The following CCPG1 variants were observed in gnomAD, a reference collection of about 807,000 sequenced individuals.
CCPG1 encodes the protein cell cycle progression protein 1.
In CCPG1, 46 loss-of-function variants were observed where a neutral mutation model predicts 81.3. The observed-to-expected ratio is 0.57, with a 90% CI of 0.45 to 0.72. The LOEUF is 0.72. Among genes scored for constraint, CCPG1 ranks in the 30% least tolerant of loss-of-function variants. The pLI is 0.00. For synonymous variants in CCPG1, 330 were observed against 305.2 expected (o/e 1.08, Z -0.85); for missense variants, 902 against 937.6 (o/e 0.96, Z 0.50).
rs186474214 is a variant in CCPG1, at chr15:55,369,301, C to T, written c.706+2492G>A. ...CTGTAATCCCAGCACTTTGGGAGGCCGAGGTGGACAGATCACCTGAGGTCA... is the reference window on the plus strand; with the variant it reads ...CTGTAATCCCAGCACTTTGGGAGGCTGAGGTGGACAGATCACCTGAGGTCA... On this transcript the variant is annotated intron_variant, in intron 6 of 8. Coordinates refer to ENST00000442196, the MANE Select transcript of CCPG1 (RefSeq NM_001204450.2). 3.2e-4 allele frequency among the ~76,000 whole-genome samples: 48 copies of T among 152,008 alleles called. 1 individual carries two copies. The South Asian group carries it at 3.5e-3, about 11-fold the overall frequency.
At chr15:55,385,002 C>G (rs2056771606) in intron 3 of CCPG1, among the ~76,000 whole-genome samples, 1 of 152,110 alleles carries the variant, frequency 6.6e-6, no homozygotes, top group African/African-American at 2.4e-5. Context: ...AACTACCAAA[C>G]AAATTCAGAT....
chr15:55,388,011 C>T (rs2056837570), intron 2 of CCPG1, among the ~76,000 whole-genome samples: 2 of 151,346 alleles, frequency 1.3e-5, no homozygotes, highest in Non-Finnish European at 2.9e-5. Context: ...ATTAGTCGGG[C>T]GTGGTGGCAC....
intron 1 of CCPG1, among the ~76,000 whole-genome samples, chr15:55,396,660 G>A (rs2057022572): frequency 6.6e-6 from 1 of 152,276 alleles, no homozygotes; most frequent in African/African-American, 2.4e-5. Context: ...AAATATTTGA[G>A]GAGATTTATT....
Position 55,393,680 on chromosome 15 carries a change from A to T in CCPG1, c.-9-4247T>A, listed in dbSNP as rs191455828. 3.9e-5 allele frequency among the ~76,000 whole-genome samples: 6 copies of T among 152,254 alleles called. No individual in the cohort carries two copies. The East Asian group carries it at 1.2e-3, about 29-fold the overall frequency. ...GGTCTCACTCTGTCACTCAGGCTGG[A>T]GTACAGTAGTATGAACACGGCTTGC... On this transcript the variant is annotated intron_variant, in intron 1 of 8. Transcript: ENST00000442196.
intron 3 of CCPG1, among the ~76,000 whole-genome samples, chr15:55,382,843 T>C (rs962579350): frequency 6.6e-6 from 1 of 152,184 alleles, no homozygotes; most frequent in Non-Finnish European, 1.5e-5. Context: ...TCTTGCTACT[T>C]CTACCACATC....
chr15:55,369,556 C>A (rs1337963249), intron 6 of CCPG1, among the ~76,000 whole-genome samples: 5 of 151,700 alleles, frequency 3.3e-5, no homozygotes, highest in Admixed American at 3.3e-4. Context: ...AAAGTGATGT[C>A]TTTTAAGTAG....
Position 55,403,198 on chromosome 15 carries a change from A to T in CCPG1, c.-10+5023T>A, listed in dbSNP as rs576843858. Among the ~76,000 whole-genome samples the T allele has an allele frequency of 1.1e-3, 167 of 152,294 alleles. 1 individual carries two copies. The highest frequency in any genetic ancestry group is 3.8e-3 in the African/African-American group (158 of 41,552). On this transcript the variant is annotated intron_variant, in intron 1 of 8. Coordinates refer to ENST00000442196, the MANE Select transcript of CCPG1 (RefSeq NM_001204450.2). The stretch of plus-strand genomic sequence containing the variant: ...CATTTTCATATCTGATTTAATCTTC[A>T]CAAATACCCCCATAAAGGCAGCTTG...
intron 3 of CCPG1, among the ~76,000 whole-genome samples, chr15:55,380,196 G>A (rs1036587705): frequency 2.0e-5 from 3 of 150,534 alleles, no homozygotes; most frequent in Non-Finnish European, 4.4e-5. Flanking sequence ...AATATCAACA[G>A]TAATTATTTC....
At chr15:55,367,367 T>A (rs1255650078) in intron 6 of CCPG1, among the ~76,000 whole-genome samples, 1 of 152,226 alleles carries the variant, frequency 6.6e-6, no homozygotes, top group Admixed American at 6.5e-5. Context: ...ACTGTCTTAA[T>A]GTGGCCTTTT....
At chr15:55,407,389 T>C (rs2057256737) in intron 1 of CCPG1, among the ~76,000 whole-genome samples, 1 of 152,174 alleles carries the variant, frequency 6.6e-6, no homozygotes, top group African/African-American at 2.4e-5. Flanking sequence ...TCTTAAAAGA[T>C]ACGATGCAGT....
rs139312592 is a variant in CCPG1, at chr15:55,408,334, A to T, written c.-123T>A. On this transcript the variant is annotated 5_prime_UTR_variant, in exon 1 of 9. Coordinates refer to ENST00000442196, the MANE Select transcript of CCPG1 (RefSeq NM_001204450.2). ...AAACAACCTGCTCGCAGGCGTCTGC[A>T]GCCGGCAGGCGGTGACCGGCTGGGC... 1,351 of 158,420 alleles carry T rather than the reference A, an allele frequency of 8.5e-3. 69 individuals carry two copies. The East Asian group carries it at 0.11, about 13-fold the overall frequency. 9.8% of individuals were successfully genotyped at this position (158,420 alleles called of 1,614,324 possible). A position where few individuals can be genotyped will look rare whatever the true frequency, so the allele number is the denominator to read the frequency against.
chr15:55,371,756 C>T (rs773436527), intron 6 of CCPG1, 37 bp downstream of exon 6: 3 of 1,594,130 alleles, frequency 1.9e-6, no homozygotes, highest in South Asian at 1.1e-5. Context: ...CTACACTATC[C>T]CATCAGGTTA....
rs1180425947 is a variant in CCPG1, at chr15:55,356,291, G to A, written c.2353C>T (p.Arg785Cys). 12 of 1,534,580 alleles carry A rather than the reference G, an allele frequency of 7.8e-6. No individual in the cohort carries two copies. Among genetic ancestry groups the A allele is most frequent in the East Asian group, 2.4e-5 (1 of 40,870 alleles). The stretch of plus-strand genomic sequence containing the variant: ...TTTGCCATTTGTCTTCCATTAGTGC[G>A]ACCATATTTATGCCATTTACCTTCC... Reference protein sequence around the residue: ...KREGKWHKYGRTNGRQMANLE... With the variant: ...KREGKWHKYGCTNGRQMANLE... The change falls in exon 9 of 9, where the codon CGC becomes TGC. Residue 785 changes from arginine to cysteine, a missense_variant. Arg to Cys is a radical substitution (Grantham distance 180). Transcript: ENST00000442196.
chr15:55,371,751 C>A, intron 6 of CCPG1, 42 bp downstream of exon 6: 6 of 1,588,462 alleles, frequency 3.8e-6, no homozygotes, highest in Non-Finnish European at 5.2e-6. Context: ...TTCCTCTACA[C>A]TATCCCATCA....
At chr15:55,399,490 G>A (rs182561497) in intron 1 of CCPG1, among the ~76,000 whole-genome samples, 1 of 151,648 alleles carries the variant, frequency 6.6e-6, no homozygotes, top group African/African-American at 2.4e-5. Flanking sequence ...TTGGGAGGCT[G>A]AGGCAGAAGA....
chr15:55,392,235 C>T lies in CCPG1; in HGVS notation c.-9-2802G>A, dbSNP rs566934539. Among the ~76,000 whole-genome samples the T allele has an allele frequency of 4.1e-5, 5 of 123,044 alleles. No homozygotes were observed. In the South Asian group the frequency reaches 7.8e-4, roughly 19 times the overall value. 80.7% of individuals were successfully genotyped at this position (123,044 alleles called of 152,430 possible). ...ATTTTTTTTTTTTTTTTTTTTGAGA[C>T]GGAGTCTCACTCTGTCACCAGGCTG... is the stretch of plus-strand genomic sequence containing the variant. On this transcript the variant is annotated intron_variant, in intron 1 of 8. Transcript: ENST00000442196.
chr15:55,368,988 T>C (rs2056390442), intron 6 of CCPG1, among the ~76,000 whole-genome samples: 2 of 152,004 alleles, frequency 1.3e-5, no homozygotes, highest in East Asian at 3.9e-4. Flanking sequence ...GGCGGATGCC[T>C]GTAATCCTAG....
At chr15:55,381,530 G>A (rs1342840256) in intron 3 of CCPG1, among the ~76,000 whole-genome samples, 1 of 152,148 alleles carries the variant, frequency 6.6e-6, no homozygotes, top group African/African-American at 2.4e-5. Flanking sequence ...ATTCTCAAAA[G>A]GATCTCTGAC....
rs576559089 is a variant in CCPG1 at position 55,374,060 on chromosome 15, G to A, written c.455-2016C>T. ...TCTGAACACCTGTTTAGAGTATTGC[G>A]GATGACAACAGGTATCTTTAAAGCA... On this transcript the variant is annotated intron_variant, in intron 5 of 8. Coordinates refer to ENST00000442196, the MANE Select transcript of CCPG1 (RefSeq NM_001204450.2). The A allele has an allele frequency of 6.0e-5, 36 of 599,624 alleles. No individual in the cohort carries two copies. The East Asian group carries it at 7.7e-4, about 13-fold the overall frequency. The allele number at this position is 599,624 out of a possible 1,614,324, so 37.1% of individuals were successfully genotyped here. A position where few individuals can be genotyped will look rare whatever the true frequency, so the allele number is the denominator to read the frequency against.
Sources: gnomAD v4.1 joint callset for allele counts (sites outside exome capture counted in the v4.1 genomes callset) on GRCh38, gnomAD v4.1.1 for gene constraint, MANE v1.5 for transcripts, NCBI Gene and HGNC (gene_info 2026-07-23, HGNC 2026-07-21) for gene names.